Variants in SNCAIP observed in about 807,000 individuals in gnomAD.
SNCAIP encodes the protein synphilin-1.
SNCAIP carries 43 observed loss-of-function variants against 86.7 expected under a neutral mutation model. That is an observed-to-expected ratio of 0.50 (90% confidence interval 0.39 to 0.64). The LOEUF is 0.64. Ranked by LOEUF, SNCAIP falls within the 30% of genes least tolerant of loss-of-function variation. The probability of loss-of-function intolerance (pLI) is 0.00; values close to 1 mark genes in which losing one functional copy is unlikely to be tolerated. For synonymous variants in SNCAIP, 417 were observed against 427.2 expected (o/e 0.98, Z 0.29); for missense variants, 981 against 1,103.1 (o/e 0.89, Z 1.57).
chr5:122,397,420 A>C (rs1770847646), intron 2 of SNCAIP, among the ~76,000 whole-genome samples: 1 of 152,190 alleles, frequency 6.6e-6, no homozygotes, highest in Non-Finnish European at 1.5e-5. Flanking sequence ...ATTGCAATAG[A>C]GTAGTTCCTG....
At position 122,433,543 on chromosome 5, in the gene SNCAIP, C is replaced by T. The variant is rs78460772; in HGVS notation, c.1296+1461C>T. On this transcript the variant is annotated intron_variant, in intron 6 of 10. Coordinates refer to ENST00000261368, the MANE Select transcript of SNCAIP (RefSeq NM_005460.4). ...ATACATTGTAATATTTGGAGTGCTT[C>T]ACACTACTCATTGAAGAGATTTTTA... Among the ~76,000 whole-genome samples, 562 of 152,208 alleles carry T rather than the reference C, an allele frequency of 3.7e-3. 13 individuals carry two copies. In the East Asian group the frequency reaches 0.038, roughly 10 times the overall value.
chr5:122,425,597 T>A, intron 5 of SNCAIP, 66 bp downstream of exon 5: 4 of 1,334,264 alleles, frequency 3.0e-6, no homozygotes, highest in Non-Finnish European at 4.3e-6. Flanking sequence ...AGATTCCTTG[T>A]GAGCTAAAGT....
chr5:122,418,537 A>G (rs148445789), intron 3 of SNCAIP, among the ~76,000 whole-genome samples: 1 of 152,250 alleles, frequency 6.6e-6, no homozygotes, highest in South Asian at 2.1e-4. Flanking sequence ...TAAATTGAAC[A>G]TAAAACATTC....
chr5:122,424,220 C>A lies in SNCAIP; in HGVS notation c.1002+481C>A, dbSNP rs1228777493. 2.6e-5 allele frequency among the ~76,000 whole-genome samples: 4 copies of A among 152,160 alleles called. 1 individual carries two copies. The highest frequency in any genetic ancestry group is 2.6e-4 in the Admixed American group (4 of 15,280). On this transcript the variant is annotated intron_variant, in intron 4 of 10. Transcript: ENST00000261368. Reference sequence around the variant, plus strand: ...AAGCATTTGTAGATAGAAGCTTACCCAAGGGCTTCATTGCCCTCTGACCCA... The same window carrying A: ...AAGCATTTGTAGATAGAAGCTTACCAAAGGGCTTCATTGCCCTCTGACCCA...
intron 1 of SNCAIP, among the ~76,000 whole-genome samples, chr5:122,384,921 G>T (rs1352965167): frequency 6.6e-6 from 1 of 152,110 alleles, no homozygotes; most frequent in Non-Finnish European, 1.5e-5. Flanking sequence ...CAAAAATACA[G>T]CAATCAATGC....
At chr5:122,342,617 T>A (rs1757808943) in intron 1 of SNCAIP, among the ~76,000 whole-genome samples, 1 of 152,186 alleles carries the variant, frequency 6.6e-6, no homozygotes, top group Non-Finnish European at 1.5e-5. Flanking sequence ...AATTTACAGA[T>A]GAAGAAACAG....
chr5:122,380,671 G>A (rs1336038013), intron 1 of SNCAIP, among the ~76,000 whole-genome samples: 1 of 147,848 alleles, frequency 6.8e-6, no homozygotes, highest in Non-Finnish European at 1.5e-5. Context: ...TTCTCTTGTG[G>A]GCATTTAGTG....
chr5:122,412,321 C>T (rs1185514541), intron 3 of SNCAIP, among the ~76,000 whole-genome samples: 5 of 152,188 alleles, frequency 3.3e-5, no homozygotes, highest in African/African-American at 1.2e-4. Flanking sequence ...TTACCTTAAA[C>T]ATCCCTAGTA....
intron 1 of SNCAIP, among the ~76,000 whole-genome samples, chr5:122,368,211 T>C (rs1157101562): frequency 6.6e-6 from 1 of 152,128 alleles, no homozygotes; most frequent in African/African-American, 2.4e-5. Flanking sequence ...GGCTCCTCCT[T>C]TGGATACCCT....
In SNCAIP at chr5:122,451,502, C is replaced by A; in HGVS notation, c.2655C>A (p.Asn885Lys). 6.2e-7 allele frequency: 1 copy of A among 1,613,794 alleles called. No individual in the cohort carries two copies. The highest frequency in any genetic ancestry group is 2.2e-5 in the East Asian group (1 of 44,878). Residue 885 changes from asparagine (N) to lysine (K), a missense_variant, in exon 10 of 11, where the codon AAC becomes AAA. By Grantham distance (94) the Asn-to-Lys change is moderately conservative. Coordinates refer to ENST00000261368, the MANE Select transcript of SNCAIP (RefSeq NM_005460.4). The part of the protein sequence containing the change: ...QNNNNNYQAA[N>K]QLKTSTLPLT... ...ATAATAATAACTACCAGGCAGCCAA[C>A]CAGCTGAAAACCTCTACATTGCCCT...
intron 1 of SNCAIP, chr5:122,388,591 G>A (rs531365475): frequency 6.6e-6 from 1 of 152,344 alleles, no homozygotes; most frequent in South Asian, 2.1e-4. Context: ...GAGTGCCAGA[G>A]GCTTGGTGGA....
At chr5:122,451,841 T>C (rs1487996103) in intron 10 of SNCAIP, 1 of 485,176 alleles carries the variant, frequency 2.1e-6, no homozygotes, top group African/African-American at 1.9e-5. Context: ...AATAAGAGAT[T>C]ATATTCTGGT....
At chr5:122,455,812 T>C (rs538569704) in intron 10 of SNCAIP, among the ~76,000 whole-genome samples, 1 of 152,206 alleles carries the variant, frequency 6.6e-6, no homozygotes, top group Non-Finnish European at 1.5e-5. Flanking sequence ...CTAAATTTCT[T>C]TTCAATGCCC....
chr5:122,410,466 T>C (rs993465758), intron 3 of SNCAIP, among the ~76,000 whole-genome samples: 8 of 152,166 alleles, frequency 5.3e-5, no homozygotes, highest in African/African-American at 1.9e-4. Context: ...TGTAGGTCAA[T>C]GTTCATAAAG....
chr5:122,317,061 T>A (rs1411156704), intron 1 of SNCAIP, among the ~76,000 whole-genome samples: 1 of 149,960 alleles, frequency 6.7e-6, no homozygotes, highest in African/African-American at 2.5e-5. Flanking sequence ...AACGTTTTTT[T>A]AAAATGATCT....
chr5:122,423,129 G>C lies in SNCAIP; in HGVS notation c.392G>C (p.Gly131Ala), dbSNP rs1415612095. Residue 131 changes from glycine to alanine, a missense_variant, in exon 4 of 11, where the codon GGT (glycine) becomes GCT (alanine). By Grantham distance (60) the Gly-to-Ala change is moderately conservative (BLOSUM62 0). Coordinates refer to ENST00000261368, the MANE Select transcript of SNCAIP (RefSeq NM_005460.4). ...GPGDGVGGPP[G>A]KSSEPSTSLG... ...GGAGATGGAGTGGGCGGCCCACCAGGTAAGAGCTCTGAGCCCAGCACATCG... is the reference window on the plus strand; with the variant it reads ...GGAGATGGAGTGGGCGGCCCACCAGCTAAGAGCTCTGAGCCCAGCACATCG... 8.1e-6 allele frequency: 13 copies of C among 1,614,162 alleles called. No homozygotes were observed. Among genetic ancestry groups the C allele is most frequent in the Non-Finnish European group, 1.1e-5 (13 of 1,180,032 alleles).
rs1400495492 is a variant in SNCAIP, at chr5:122,422,834, T to G, written c.131-34T>G. ...GCCAAGATGTGTTCAGCATTCCAGA[T>G]TAATAGCTTTCTATTTTAATTTTTT... is the stretch of plus-strand genomic sequence containing the variant. On this transcript the variant is annotated intron_variant, in intron 3 of 10. Coordinates refer to ENST00000261368, the MANE Select transcript of SNCAIP (RefSeq NM_005460.4). The G allele has an allele frequency of 1.9e-6, 3 of 1,585,616 alleles. No homozygotes were observed. In the African/African-American group the frequency reaches 4.0e-5, roughly 21 times the overall value.
chr5:122,338,397 A>C (rs1206361290), intron 1 of SNCAIP, among the ~76,000 whole-genome samples: 2 of 152,216 alleles, frequency 1.3e-5, no homozygotes, highest in African/African-American at 4.8e-5. Context: ...CAGCTTAAAA[A>C]TTCATGCTCA....
intron 10 of SNCAIP, among the ~76,000 whole-genome samples, chr5:122,452,675 C>T (rs1476103067): frequency 1.3e-5 from 2 of 152,182 alleles, no homozygotes; most frequent in Non-Finnish European, 2.9e-5. Flanking sequence ...GTGCCCAAAA[C>T]ACCAGACCTT....
Sources: allele counts gnomAD v4.1 joint callset (sites outside exome capture counted in the v4.1 genomes callset), GRCh38; gene constraint gnomAD v4.1.1; transcripts MANE v1.5; gene names NCBI Gene and HGNC (gene_info 2026-07-23, HGNC 2026-07-21).